The following STK32C variants were observed in gnomAD, a reference collection of about 807,000 sequenced individuals.
The protein encoded by STK32C is serine/threonine kinase 32C, also known as serine/threonine-protein kinase 32C.
In STK32C, 31 loss-of-function variants were observed where a neutral mutation model predicts 56.5. The ratio of observed to expected loss-of-function variants is 0.55; its 90% CI spans 0.41 to 0.74. The LOEUF (loss-of-function observed/expected upper bound fraction) is 0.74, where lower values mean the gene tolerates loss of function less well. Ranked by LOEUF, STK32C falls within the 30% of genes least tolerant of loss-of-function variation. The pLI is 0.00. For synonymous variants in STK32C, 309 were observed against 289.4 expected (o/e 1.07, Z -0.69); for missense variants, 544 against 676.9 (o/e 0.80, Z 2.18).
At chr10:132,320,368 G>C (rs11591850), downstream of STK32C, among the ~76,000 whole-genome samples, 1 of 152,014 alleles carries the variant, frequency 6.6e-6, no homozygotes, top group African/African-American at 2.4e-5. Flanking sequence ...GAATCTGCAC[G>C]GCGGTGACTG....
At chr10:132,322,841 C>T (rs2066435308), downstream of STK32C, among the ~76,000 whole-genome samples, 1 of 152,220 alleles carries the variant, frequency 6.6e-6, no homozygotes, top group Non-Finnish European at 1.5e-5. Context: ...TCTCCACAAA[C>T]ATGTGCATGT....
At chr10:132,231,818 T>G (rs1283876313) in intron 2 of STK32C, among the ~76,000 whole-genome samples, 1 of 152,124 alleles carries the variant, frequency 6.6e-6, no homozygotes, top group Non-Finnish European at 1.5e-5. Flanking sequence ...TGGAGTGACA[T>G]GGCGGCAAGC....
At chr10:132,316,370 T>C (rs917938090) in intron 1 of STK32C, among the ~76,000 whole-genome samples, 1 of 152,124 alleles carries the variant, frequency 6.6e-6, no homozygotes, top group Non-Finnish European at 1.5e-5. Flanking sequence ...CCGAGCACTT[T>C]AGGAGGCTGA....
chr10:132,231,380 G>C (rs372029348), intron 2 of STK32C, among the ~76,000 whole-genome samples: 65 of 152,340 alleles, frequency 4.3e-4, no homozygotes, highest in African/African-American at 1.3e-3. Context: ...GGGGAGGCAG[G>C]GTTACACTCA....
intron 1 of STK32C, among the ~76,000 whole-genome samples, chr10:132,296,957 G>C (rs1415373840): frequency 6.6e-6 from 1 of 151,442 alleles, no homozygotes; most frequent in Non-Finnish European, 1.5e-5. Context: ...GGGAAGGAGA[G>C]GCAGCCCAGA....
At chr10:132,227,828 A>T in intron 3 of STK32C, 149 bp downstream of exon 3, 1 of 1,009,820 alleles carries the variant, frequency 9.9e-7, no homozygotes, top group Non-Finnish European at 1.4e-6. Context: ...GAAGGGGGAT[A>T]GATGAGGAGG....
At chr10:132,327,022 T>C (rs1324202073) in intron 1 of STK32C, among the ~76,000 whole-genome samples, 1 of 152,152 alleles carries the variant, frequency 6.6e-6, no homozygotes, top group East Asian at 1.9e-4. Context: ...TACTGGAAAA[T>C]ATTACTTTCT....
At chr10:132,268,539 T>TG (rs2064685410) in intron 1 of STK32C, among the ~76,000 whole-genome samples, 1 of 111,398 alleles carries the variant, frequency 9.0e-6, no homozygotes, top group African/African-American at 3.5e-5. Flanking sequence ...ATGCGTCACA[T>TG]TGTGTGTGTG....
At chr10:132,233,564 C>A (rs1425053418) in intron 2 of STK32C, among the ~76,000 whole-genome samples, 1 of 152,232 alleles carries the variant, frequency 6.6e-6, no homozygotes. Context: ...TGGACCCTGG[C>A]AAGCTCACCA....
At chr10:132,225,658 G>C (rs2062860867) in intron 5 of STK32C, 42 bp from the exon 6 acceptor site, 1 of 1,608,650 alleles carries the variant, frequency 6.2e-7, no homozygotes, top group South Asian at 1.1e-5. Flanking sequence ...CAGGACCAGA[G>C]ATGCATCCTT....
At chr10:132,300,897 T>C (rs1295381707) in intron 1 of STK32C, among the ~76,000 whole-genome samples, 1 of 152,188 alleles carries the variant, frequency 6.6e-6, no homozygotes, top group African/African-American at 2.4e-5. Flanking sequence ...TCACAGAGCT[T>C]TATTTTTATC....
At chr10:132,230,683 G>C (rs1158250557) in intron 2 of STK32C, among the ~76,000 whole-genome samples, 2 of 144,228 alleles carry the variant, frequency 1.4e-5, no homozygotes, top group African/African-American at 2.5e-5. Context: ...AGCTGGCGGG[G>C]GGGGGGGGGC....
At chr10:132,310,503 C>T (rs2066199773), upstream of STK32C, among the ~76,000 whole-genome samples, 1 of 152,164 alleles carries the variant, frequency 6.6e-6, no homozygotes, top group African/African-American at 2.4e-5. The surrounding 1 kb of genome is among the most constrained non-coding windows in gnomAD (Gnocchi z 4.6). Flanking sequence ...GATGCCAACC[C>T]CTGGTGCCTC....
intron 1 of STK32C, among the ~76,000 whole-genome samples, chr10:132,276,802 A>G (rs2065010258): frequency 6.8e-6 from 1 of 147,758 alleles, no homozygotes; most frequent in African/African-American, 2.5e-5. Flanking sequence ...AAAAAAACCC[A>G]ATGTATCTTC....
chr10:132,282,082 G>T (rs2065229992), intron 1 of STK32C, among the ~76,000 whole-genome samples: 1 of 152,248 alleles, frequency 6.6e-6, no homozygotes. Context: ...AGCCGCTCCG[G>T]GGGTGGGGGC....
chr10:132,278,409 C>G lies in STK32C; in HGVS notation c.262+29163G>C, dbSNP rs534883704. 2.0e-5 allele frequency among the ~76,000 whole-genome samples: 3 copies of G among 152,304 alleles called. No homozygotes were observed. In the South Asian group the frequency reaches 6.2e-4, roughly 32 times the overall value. On this transcript the variant is annotated intron_variant, in intron 1 of 11. Transcript: ENST00000298630. ...AAGGGCTCTTGACCAGGAAGATACACAGAACGCTACAAAAATGCAAAGCTT... is the reference window on the plus strand; with the variant it reads ...AAGGGCTCTTGACCAGGAAGATACAGAGAACGCTACAAAAATGCAAAGCTT...
intron 1 of STK32C, among the ~76,000 whole-genome samples, chr10:132,283,879 T>C (rs1417115111): frequency 6.6e-6 from 1 of 152,058 alleles, no homozygotes; most frequent in African/African-American, 2.4e-5. Flanking sequence ...GAGGCCTCCC[T>C]GAGTCCAGCC....
At chr10:132,266,992 T>C (rs776106877) in intron 1 of STK32C, among the ~76,000 whole-genome samples, 29 of 152,058 alleles carry the variant, frequency 1.9e-4, no homozygotes, top group Non-Finnish European at 3.2e-4. Context: ...ACCGTGAGTG[T>C]TGGGAGCTCG....
intron 11 of STK32C, among the ~76,000 whole-genome samples, chr10:132,208,694 T>A (rs1351000870): frequency 6.6e-6 from 1 of 152,094 alleles, no homozygotes; most frequent in African/African-American, 2.4e-5. Flanking sequence ...GGCCTGACAT[T>A]CAGGAAAGGT....
Sources: allele counts gnomAD v4.1 joint callset (sites outside exome capture counted in the v4.1 genomes callset), GRCh38; gene constraint gnomAD v4.1.1; non-coding constraint Gnocchi (gnomAD v3.1); transcripts MANE v1.5; gene names NCBI Gene and HGNC (gene_info 2026-07-23, HGNC 2026-07-21).